Variants in INAVA observed in about 807,000 individuals in gnomAD.
INAVA encodes innate immunity activator.
In INAVA, 32 loss-of-function variants were observed where a neutral mutation model predicts 55.3. The observed-to-expected ratio is 0.58, with a 90% CI of 0.44 to 0.78. The LOEUF is 0.78. Among genes scored for constraint, INAVA ranks in the 30% least tolerant of loss-of-function variants. INAVA has a pLI of 0.00. For missense variants in INAVA, 756 were observed against 786.4 expected (o/e 0.96, Z 0.46); for synonymous variants, 294 against 329.4 (o/e 0.89, Z 1.16).
chr1:200,898,262 G>A, intron 1 of INAVA, 45 bp from the exon 2 acceptor site: 1 of 1,591,638 alleles, frequency 6.3e-7, no homozygotes, highest in Non-Finnish European at 8.5e-7. Context: ...AACCAAGATG[G>A]TTCATATCTA....
intron 7 of INAVA, 124 bp from the exon 8 acceptor site, chr1:200,909,100 G>C (rs944678883): frequency 2.3e-6 from 3 of 1,317,910 alleles, no homozygotes; most frequent in African/African-American, 3.0e-5. Context: ...AGTTCCCCAA[G>C]GGTGCTGGCA....
At position 200,914,210 on chromosome 1, in the gene INAVA, A is replaced by G. The variant is rs1653859511; in HGVS notation, c.*581A>G. The G allele has an allele frequency of 6.6e-6, 1 of 152,584 alleles. No homozygotes were observed. The highest frequency in any genetic ancestry group is 1.5e-5 in the Non-Finnish European group (1 of 68,366). 9.5% of individuals were successfully genotyped at this position (152,584 alleles called of 1,614,324 possible). A position where few individuals can be genotyped will look rare whatever the true frequency, so the allele number is the denominator to read the frequency against. On this transcript the variant is annotated 3_prime_UTR_variant, in exon 10 of 10. Coordinates refer to ENST00000413687, the MANE Select transcript of INAVA (RefSeq NM_001142569.3). ...AAAGGTCAGTATATCCCGGTGGTGTATTGTCTTGCTAGACCCTGCTATTTT... is the reference window on the plus strand; with the variant it reads ...AAAGGTCAGTATATCCCGGTGGTGTGTTGTCTTGCTAGACCCTGCTATTTT...
intron 8 of INAVA, among the ~76,000 whole-genome samples, chr1:200,909,912 C>T (rs1411108545): frequency 6.6e-6 from 1 of 152,154 alleles, no homozygotes; most frequent in Non-Finnish European, 1.5e-5. Context: ...ATGTGAGTTT[C>T]TGCTTAAGGA....
At chr1:200,891,578 G>A, upstream of INAVA, 3 of 1,595,246 alleles carry the variant, frequency 1.9e-6, no homozygotes, top group South Asian at 1.1e-5. Context: ...ATACCTCCGG[G>A]GAGGGCAGGC....
upstream of INAVA, among the ~76,000 whole-genome samples, chr1:200,893,340 C>T (rs969480139): frequency 3.9e-5 from 6 of 152,174 alleles, no homozygotes; most frequent in East Asian, 1.2e-3. Flanking sequence ...TAGTGATCTT[C>T]TTAATTTTAT....
chr1:200,900,490 A>G (rs1477448626), intron 4 of INAVA, among the ~76,000 whole-genome samples: 4 of 152,236 alleles, frequency 2.6e-5, no homozygotes, highest in East Asian at 3.9e-4. Flanking sequence ...AGCACCAGCC[A>G]CCAACCCAGC....
upstream of INAVA, among the ~76,000 whole-genome samples, chr1:200,891,859 C>G (rs1166980931): frequency 6.6e-6 from 1 of 152,220 alleles, no homozygotes; most frequent in African/African-American, 2.4e-5. Context: ...CAAAAATGCA[C>G]ATTTCCAGTC....
chr1:200,913,539 G>A lies in INAVA; in HGVS notation c.1647G>A (p.Val549=), dbSNP rs150196003. ...FGRALGPRAQ[V]PTVCVLRRSP... is the part of the protein sequence containing the mutation. ...TCCTTTCTTCCTGACCCTGGCAGGT[G>A]CCCACAGTTTGTGTGCTGCGGAGAT... is the stretch of plus-strand genomic sequence containing the variant. The change falls in exon 10 of 10, where the codon GTG becomes GTA. Residue 549 remains valine (V), a splice_region_variant and synonymous_variant. Transcript: ENST00000413687. 85 of 1,613,858 alleles carry A rather than the reference G, an allele frequency of 5.3e-5. No individual in the cohort carries two copies. The African/African-American group carries it at 1.1e-3, about 20-fold the overall frequency.
rs369363372 is a variant in INAVA, at chr1:200,913,624, G to A, written c.1732G>A (p.Val578Met). Residue 578 changes from valine to methionine, a missense_variant, in exon 10 of 10, where the codon GTG (valine) becomes ATG (methionine). Val to Met is a conservative substitution (Grantham distance 21, BLOSUM62 1). Around this residue, in one of 2 missense-constraint regions of INAVA, gnomAD observed 117 missense variants for 162.1 expected, o/e 0.72. Coordinates refer to ENST00000413687, the MANE Select transcript of INAVA (RefSeq NM_001142569.3). ...TGAAAAAGGAGAGATCATCAGCCAGGTGTAACTCTGCGCCCCACGCTGGAA... is the reference window on the plus strand; with the variant it reads ...TGAAAAAGGAGAGATCATCAGCCAGATGTAACTCTGCGCCCCACGCTGGAA... Reference protein sequence around the residue: ...VPEKGEIISQV With the variant: ...VPEKGEIISQM The A allele has an allele frequency of 5.0e-6, 8 of 1,613,610 alleles. No individual in the cohort carries two copies. The highest frequency in any genetic ancestry group is 6.8e-6 in the Non-Finnish European group (8 of 1,179,786).
At chr1:200,894,249 C>A (rs1177924274), upstream of INAVA, among the ~76,000 whole-genome samples, 1 of 152,070 alleles carries the variant, frequency 6.6e-6, no homozygotes, top group East Asian at 1.9e-4. Flanking sequence ...CCTGTCAGTG[C>A]CCCATGAACA....
chr1:200,911,031 T>C (rs1209859497), intron 8 of INAVA, among the ~76,000 whole-genome samples: 1 of 134,956 alleles, frequency 7.4e-6, no homozygotes, highest in Non-Finnish European at 1.7e-5. Flanking sequence ...TGTAGTACTT[T>C]AAAAAAAGTA....
rs1296389371 is a variant in INAVA at position 200,913,855 on chromosome 1, C to A, written c.*226C>A. The A allele has an allele frequency of 1.1e-5, 6 of 523,792 alleles. No homozygotes were observed. The highest frequency in any genetic ancestry group is 7.6e-5 in the African/African-American group (4 of 52,416). 32.4% of individuals were successfully genotyped at this position (523,792 alleles called of 1,614,324 possible). A position where few individuals can be genotyped will look rare whatever the true frequency, so the allele number is the denominator to read the frequency against. On this transcript the variant is annotated 3_prime_UTR_variant, in exon 10 of 10. Transcript: ENST00000413687. ...CCCTGTGATATGATTATGTTTTATC[C>A]CCCAGAGTTTGGCCTACTGGACTTA...
chr1:200,894,708 T>C, upstream of INAVA: 1 of 791,060 alleles, frequency 1.3e-6, no homozygotes, highest in Non-Finnish European at 1.5e-6. Flanking sequence ...ACATGACTCT[T>C]GTTGTTGTCT....
At chr1:200,909,157 T>C in intron 7 of INAVA, 67 bp from the exon 8 acceptor site, 1 of 1,461,764 alleles carries the variant, frequency 6.8e-7, no homozygotes, top group East Asian at 2.4e-5. Context: ...ATCCCCATTC[T>C]TCTGCACCTC....
chr1:200,914,663 C>T lies in INAVA; in HGVS notation c.*1034C>T, dbSNP rs1361489258. ...ATGGGGTTTCATCATGTTGGCCAGG[C>T]TGGTCTCGAACTCCTGACCTCAAGT... is the stretch of plus-strand genomic sequence containing the variant. On this transcript the variant is annotated 3_prime_UTR_variant, in exon 10 of 10. Coordinates refer to ENST00000413687, the MANE Select transcript of INAVA (RefSeq NM_001142569.3). 1 of 133,132 alleles carries T rather than the reference C, an allele frequency of 7.5e-6. No individual in the cohort carries two copies. The highest frequency in any genetic ancestry group is 1.6e-5 in the Non-Finnish European group (1 of 62,766). 8.2% of individuals were successfully genotyped at this position (133,132 alleles called of 1,614,324 possible).
At position 200,912,129 on chromosome 1, in the gene INAVA, C is replaced by A; in HGVS notation, c.1636C>A (p.Arg546=). ...REGFGRALGP[R]AQVPTVCVLR... The stretch of plus-strand genomic sequence containing the variant: ...GGGCTTCGGACGAGCCCTGGGACCC[C>A]GGGCACAGGTACGGCTGCTCTGGAG... Residue 546 remains arginine (R), a synonymous_variant, in exon 9 of 10, where the codon CGG becomes AGG. Transcript: ENST00000413687. 2 of 1,547,810 alleles carry A rather than the reference C, an allele frequency of 1.3e-6. No homozygotes were observed. The highest frequency in any genetic ancestry group is 1.7e-6 in the Non-Finnish European group (2 of 1,146,180).
At chr1:200,892,614 G>A (rs1055908625), upstream of INAVA, among the ~76,000 whole-genome samples, 10 of 152,288 alleles carry the variant, frequency 6.6e-5, no homozygotes, top group Admixed American at 2.0e-4. Flanking sequence ...TGGTCTGGAC[G>A]GCACTCTGGG....
At chr1:200,913,484 G>C (rs534367078) in intron 9 of INAVA, 53 bp from the exon 10 acceptor site, 1 of 1,441,666 alleles carries the variant, frequency 6.9e-7, no homozygotes, top group Admixed American at 1.7e-5. Flanking sequence ...TGCTGTCCCC[G>C]CTTTTCTGCC....
chr1:200,898,606 C>A, intron 2 of INAVA, 151 bp downstream of exon 2: 2 of 848,146 alleles, frequency 2.4e-6, no homozygotes, highest in Non-Finnish European at 3.6e-6. Flanking sequence ...GAGGCCTCTG[C>A]TGGGAGGAGG....
Sources: allele counts gnomAD v4.1 joint callset (sites outside exome capture counted in the v4.1 genomes callset), GRCh38; gene constraint gnomAD v4.1.1; regional missense constraint gnomAD v4.1.1; transcripts MANE v1.5; gene names NCBI Gene and HGNC (gene_info 2026-07-23, HGNC 2026-07-21).